Variants in VWA3B observed in about 807,000 individuals in gnomAD.
VWA3B encodes the protein von Willebrand factor A domain-containing protein 3B.
A neutral mutation model predicts 158.3 loss-of-function variants in VWA3B; 138 were observed. The ratio of observed to expected loss-of-function variants is 0.87; its 90% CI spans 0.76 to 1.00. VWA3B has a LOEUF of 1.00. Among genes scored for constraint, VWA3B ranks in the 50% least tolerant of loss-of-function variants. The probability of loss-of-function intolerance (pLI) is 0.00; values close to 1 mark genes in which losing one functional copy is unlikely to be tolerated. For synonymous variants in VWA3B, 596 were observed against 587.3 expected (o/e 1.01, Z -0.21); for missense variants, 1,555 against 1,565.1 (o/e 0.99, Z 0.11).
chr2:98,205,701 C>A (rs1682960297), intron 12 of VWA3B, among the ~76,000 whole-genome samples: 1 of 152,058 alleles, frequency 6.6e-6, no homozygotes, highest in Admixed American at 6.5e-5. Flanking sequence ...TGGTACATCC[C>A]ACAAATTTTA....
chr2:98,214,494 AC>A (rs1683809308), intron 13 of VWA3B, among the ~76,000 whole-genome samples: 1 of 151,960 alleles, frequency 6.6e-6, no homozygotes, highest in Admixed American at 6.6e-5. Flanking sequence ...TCTCCCTCTC[AC>A]CCCTTTCACC....
At chr2:98,184,343 C>T (rs1339945107) in intron 9 of VWA3B, among the ~76,000 whole-genome samples, 2 of 152,252 alleles carry the variant, frequency 1.3e-5, no homozygotes, top group Admixed American at 1.3e-4. Context: ...GAGCATAGGA[C>T]AGATCTCATC....
chr2:98,142,135 A>G (rs889941182), intron 7 of VWA3B, among the ~76,000 whole-genome samples: 3 of 152,154 alleles, frequency 2.0e-5, no homozygotes, highest in Admixed American at 2.0e-4. Flanking sequence ...GGTGGGGTCT[A>G]GTCGTTGGAT....
At chr2:98,277,390 C>T (rs943184326) in intron 22 of VWA3B, among the ~76,000 whole-genome samples, 2 of 152,210 alleles carry the variant, frequency 1.3e-5, no homozygotes, top group Admixed American at 6.5e-5. Context: ...CCCTGGGAGC[C>T]TGGTCTAGGG....
intron 2 of VWA3B, among the ~76,000 whole-genome samples, chr2:98,102,610 C>T (rs945920381): frequency 5.9e-5 from 9 of 152,152 alleles, no homozygotes; most frequent in Admixed American, 3.3e-4. Flanking sequence ...AGGAAGTTAG[C>T]GAAAATACCA....
Position 98,115,435 on chromosome 2 carries a change from A to G in VWA3B, c.197-217A>G, listed in dbSNP as rs1372101799. Among the ~76,000 whole-genome samples the G allele has an allele frequency of 6.6e-5, 10 of 152,318 alleles. No individual in the cohort carries two copies. The East Asian group carries it at 1.9e-3, about 29-fold the overall frequency. The stretch of plus-strand genomic sequence containing the variant: ...TTGTGCACATGTACCTGAGAACTTA[A>G]AGTATAATAAAGAAAAATATTACAA... On this transcript the variant is annotated intron_variant, in intron 2 of 27. Coordinates refer to ENST00000477737, the MANE Select transcript of VWA3B (RefSeq NM_144992.5).
intron 25 of VWA3B, among the ~76,000 whole-genome samples, chr2:98,303,345 G>GGGTGAA (rs1690312536): frequency 6.6e-6 from 1 of 152,170 alleles, no homozygotes; most frequent in Non-Finnish European, 1.5e-5. Context: ...GACCCAAAGA[G>GGGTGAA]GGTGAAGGTG....
intron 2 of VWA3B, 145 bp downstream of exon 2, chr2:98,093,433 T>G (rs1342415224): frequency 1.4e-6 from 1 of 712,128 alleles, no homozygotes; most frequent in Admixed American, 2.7e-5. Context: ...TGCTTGCACG[T>G]GTGCCCCCAA....
At chr2:98,119,879 C>CT (rs1488058928) in intron 4 of VWA3B, 116 bp downstream of exon 4, 1 of 1,279,034 alleles carries the variant, frequency 7.8e-7, no homozygotes, top group African/African-American at 1.5e-5. Context: ...GAGGCATTAT[C>CT]TTATACTTTC....
chr2:98,238,894 G>C (rs900440737), intron 19 of VWA3B, among the ~76,000 whole-genome samples: 24 of 151,910 alleles, frequency 1.6e-4, no homozygotes, highest in African/African-American at 5.8e-4. Flanking sequence ...GGAAATTTTA[G>C]GGAAAAAAAG....
intron 22 of VWA3B, among the ~76,000 whole-genome samples, chr2:98,280,364 A>T (rs976626360): frequency 6.6e-6 from 1 of 152,200 alleles, no homozygotes; most frequent in East Asian, 1.9e-4. Flanking sequence ...GAGAGAGAGA[A>T]AAAAAACACA....
At chr2:98,129,152 G>T (rs1041232135) in intron 6 of VWA3B, among the ~76,000 whole-genome samples, 5 of 152,072 alleles carry the variant, frequency 3.3e-5, no homozygotes, top group African/African-American at 4.8e-5. Context: ...CTTGTAGGCA[G>T]CTGCCTTCTC....
In VWA3B at chr2:98,270,843, A is replaced by G. The variant is rs1016460055; in HGVS notation, c.3005A>G (p.Glu1002Gly). ...MYIQQAMELQ[E>G]AAKKNYANKA... ...ATCCAGCAGGCCATGGAACTCCAGG[A>G]GGCTGCCAAGAAGAATTATGCAAAC... Residue 1002 changes from glutamate to glycine, a missense_variant, in exon 22 of 28, where the codon GAG (glutamate) becomes GGG (glycine). Glu to Gly is a moderately conservative substitution (Grantham distance 98). Transcript: ENST00000477737. 1.2e-6 allele frequency: 2 copies of G among 1,613,960 alleles called. No individual in the cohort carries two copies. Among genetic ancestry groups the G allele is most frequent in the African/African-American group, 2.7e-5 (2 of 74,904 alleles).
chr2:98,122,764 C>T (rs929409614), intron 5 of VWA3B, among the ~76,000 whole-genome samples: 1 of 152,240 alleles, frequency 6.6e-6, no homozygotes, highest in African/African-American at 2.4e-5. Context: ...TTCTGTTTCA[C>T]TCCTTCTGGT....
intron 2 of VWA3B, among the ~76,000 whole-genome samples, chr2:98,103,722 GAA>G (rs1324593446): frequency 6.6e-6 from 1 of 152,112 alleles, no homozygotes; most frequent in Non-Finnish European, 1.5e-5. Flanking sequence ...ATGCACACTT[GAA>G]AAGAGTGTGC....
rs61436618 is a variant in VWA3B at position 98,112,281 on chromosome 2, G to GGT, written c.197-3351_197-3350dup. ...TCCATTGTTCTATATGTCTGTTTGGGGTGTGTGTGTGTGTGTGTGTGGGTG... is the reference window on the plus strand; with the variant it reads ...TCCATTGTTCTATATGTCTGTTTGGGGTGTGTGTGTGTGTGTGTGTGTGGGTG... On this transcript the variant is annotated intron_variant, in intron 2 of 27. Transcript: ENST00000477737. Among the ~76,000 whole-genome samples the GGT allele has an allele frequency of 1.2e-3, 171 of 148,376 alleles. 1 individual carries two copies. The highest frequency in any genetic ancestry group is 4.5e-3 in the South Asian group (21 of 4,682).
chr2:98,267,478 T>A (rs1384305478), intron 21 of VWA3B, among the ~76,000 whole-genome samples: 2 of 152,030 alleles, frequency 1.3e-5, no homozygotes, highest in African/African-American at 2.4e-5. Flanking sequence ...ATAAAGATGT[T>A]CTTTGAAACC....
chr2:98,187,747 G>T (rs1258936691), intron 9 of VWA3B, among the ~76,000 whole-genome samples: 2 of 151,198 alleles, frequency 1.3e-5, no homozygotes, highest in Non-Finnish European at 2.9e-5. Flanking sequence ...CTTTTCTGGG[G>T]CACACATGTG....
intron 17 of VWA3B, among the ~76,000 whole-genome samples, chr2:98,235,086 A>G (rs571013674): frequency 1.5e-4 from 23 of 152,180 alleles, no homozygotes; most frequent in Admixed American, 4.6e-4. Context: ...CCTTTCTTCA[A>G]TGGATGATGC....
Sources: gnomAD v4.1 joint callset for allele counts (sites outside exome capture counted in the v4.1 genomes callset) on GRCh38, gnomAD v4.1.1 for gene constraint, MANE v1.5 for transcripts, NCBI Gene and HGNC (gene_info 2026-07-23, HGNC 2026-07-21) for gene names.